Variants in TRPV3 observed in about 807,000 individuals in gnomAD.
The protein encoded by TRPV3 is transient receptor potential cation channel subfamily V member 3.
In TRPV3, 88 loss-of-function variants were observed where a neutral mutation model predicts 87.1. That is an observed-to-expected ratio of 1.01 (90% CI 0.85 to 1.21). TRPV3 has a LOEUF of 1.21. Ranked by LOEUF, TRPV3 falls within the 50% of genes most tolerant of loss-of-function variation. TRPV3 has a pLI of 0.00. For missense variants in TRPV3, 1,054 were observed against 1,030.1 expected, an observed-to-expected ratio of 1.02 and a Z score of -0.32; for synonymous variants, 438 against 423.3, an observed-to-expected ratio of 1.03 and a Z score of -0.43.
intron 9 of TRPV3, 74 bp from the exon 10 acceptor site, chr17:3,529,069 G>T (rs982324978): frequency 1.3e-6 from 2 of 1,551,420 alleles, no homozygotes; most frequent in African/African-American, 2.7e-5. Flanking sequence ...AGGCCTGCGG[G>T]AGCTCTGAGT....
At chr17:3,553,245 A>G (rs2074596217) in intron 2 of TRPV3, 1 of 152,488 alleles carries the variant, frequency 6.6e-6, no homozygotes, top group African/African-American at 2.4e-5. Flanking sequence ...ATCACCACCT[A>G]TCACCTGGGC....
intron 8 of TRPV3, 101 bp downstream of exon 8, chr17:3,532,556 T>A (rs1597479069): frequency 2.8e-6 from 4 of 1,413,638 alleles, no homozygotes; most frequent in Non-Finnish European, 3.8e-6. Flanking sequence ...AGGCTGAGGC[T>A]GTGGTTTGTG....
Position 3,516,513 on chromosome 17 carries a change from T to C in TRPV3, c.2142A>G (p.Arg714=), listed in dbSNP as rs1039519595. The C allele has an allele frequency of 1.9e-6, 3 of 1,614,028 alleles. No individual in the cohort carries two copies. In the African/African-American group the frequency reaches 4.0e-5, roughly 22 times the overall value. The stretch of plus-strand genomic sequence containing the variant: ...CTTTGCACAGCTCTCCCATCCGGAA[T>C]CTGCTCCTCAGCCATTCTGGTAACA... ...EKMLPEWLRS[R]FRMGELCKVA... The change falls in exon 16 of 18, where the codon AGA becomes AGG. Residue 714 remains arginine, a synonymous_variant. Transcript: ENST00000576742.
At chr17:3,527,674 T>C (rs1056505569) in intron 11 of TRPV3, 35 of 324,272 alleles carry the variant, frequency 1.1e-4, no homozygotes, top group South Asian at 1.1e-3. Flanking sequence ...AGAAGGATGG[T>C]CGGTAAGGAT....
In TRPV3 at chr17:3,557,473, C is replaced by A. The variant is rs1487892302; in HGVS notation, c.-3+203G>T. Among the ~76,000 whole-genome samples the A allele has an allele frequency of 6.6e-6, 1 of 152,216 alleles. No individual in the cohort carries two copies. Among genetic ancestry groups the A allele is most frequent in the Non-Finnish European group, 1.5e-5 (1 of 68,038 alleles). ...GTCTGTAAGGACCTATATTCTCACA[C>A]ATCCCTACAGCCAAGAGTGCAGCCA... On this transcript the variant is annotated intron_variant, in intron 1 of 17. Coordinates refer to ENST00000576742, the MANE Select transcript of TRPV3 (RefSeq NM_145068.4). This position sits in a 1 kb window ranked among gnomAD's most constrained non-coding sequence, Gnocchi z 4.5.
chr17:3,543,985 G>A (rs1415278782), intron 4 of TRPV3, among the ~76,000 whole-genome samples: 2 of 151,892 alleles, frequency 1.3e-5, no homozygotes, highest in Admixed American at 1.3e-4. Context: ...CCATGGTAAC[G>A]CGTTGATGTC....
chr17:3,525,055 T>TC (rs1286367289), intron 12 of TRPV3, among the ~76,000 whole-genome samples: 1 of 152,210 alleles, frequency 6.6e-6, no homozygotes, highest in African/African-American at 2.4e-5. Context: ...GGTCTTGCTC[T>TC]GTCACCTAGG....
intron 6 of TRPV3, among the ~76,000 whole-genome samples, chr17:3,538,537 A>G (rs1371149568): frequency 6.6e-6 from 1 of 151,778 alleles, no homozygotes; most frequent in Non-Finnish European, 1.5e-5. Flanking sequence ...AGTATCTTTT[A>G]GAGACAAATT....
chr17:3,514,518 C>T, intron 17 of TRPV3, 75 bp downstream of exon 17: 1 of 1,074,600 alleles, frequency 9.3e-7, no homozygotes, highest in Non-Finnish European at 1.4e-6. Flanking sequence ...AAGTCAGGAC[C>T]CTTAGACTTG....
intron 16 of TRPV3, among the ~76,000 whole-genome samples, chr17:3,515,738 T>C (rs1443320724): frequency 2.0e-5 from 3 of 150,796 alleles, no homozygotes; most frequent in African/African-American, 7.3e-5. Flanking sequence ...AGTAGCCACG[T>C]CACTTTCCAT....
intron 13 of TRPV3, among the ~76,000 whole-genome samples, chr17:3,523,867 T>C (rs900559155): frequency 6.6e-6 from 1 of 151,772 alleles, no homozygotes; most frequent in African/African-American, 2.4e-5. Flanking sequence ...CTTTTGTGTA[T>C]ATATATGGAA....
Position 3,513,825 on chromosome 17 carries a change from T to G in TRPV3, c.*92A>C, listed in dbSNP as rs886052852. On this transcript the variant is annotated 3_prime_UTR_variant, in exon 18 of 18. Coordinates refer to ENST00000576742, the MANE Select transcript of TRPV3 (RefSeq NM_145068.4). The stretch of plus-strand genomic sequence containing the variant: ...TGCTTCTAGGCCAGCAGAGCCGGAC[T>G]CCACCATCCCTCAAAGCCTCTCTGC... 13 of 1,099,656 alleles carry G rather than the reference T, an allele frequency of 1.2e-5. No individual in the cohort carries two copies. In the South Asian group the frequency reaches 1.7e-4, roughly 15 times the overall value. The allele number at this position is 1,099,656 out of a possible 1,614,324, so 68.1% of individuals were successfully genotyped here.
At position 3,528,883 on chromosome 17, in the gene TRPV3, T is replaced by G; in HGVS notation, c.1355A>C (p.Asn452Thr). ...FLSFCFYFFY[N>T]ITLTLVSYYR... ...GTACGAGACGAGGGTCAGGGTGATG[T>G]TGTAGAAGAAATAAAAGCAGAAGGA... The change falls in exon 10 of 18, where the codon AAC becomes ACC. Residue 452 changes from asparagine to threonine, a missense_variant. Coordinates refer to ENST00000576742, the MANE Select transcript of TRPV3 (RefSeq NM_145068.4). The surrounding 1 kb of genome is among the most constrained non-coding windows in gnomAD (Gnocchi z 4.2). The G allele has an allele frequency of 6.2e-7, 1 of 1,614,138 alleles. No individual in the cohort carries two copies. The highest frequency in any genetic ancestry group is 1.1e-5 in the South Asian group (1 of 91,078).
At chr17:3,519,511 T>TGG in intron 14 of TRPV3, among the ~76,000 whole-genome samples, 6 of 135,340 alleles carry the variant, frequency 4.4e-5, no homozygotes, top group African/African-American at 1.7e-4. Flanking sequence ...GATGGGTGAT[T>TGG]AGATGGATGG....
chr17:3,547,585 C>A (rs1190138711), intron 2 of TRPV3, among the ~76,000 whole-genome samples: 1 of 152,136 alleles, frequency 6.6e-6, no homozygotes, highest in African/African-American at 2.4e-5. Context: ...CGCACCATTG[C>A]ACTCCAGGCT....
chr17:3,532,870 G>T lies in TRPV3; in HGVS notation c.852C>A (p.His284Gln). 6.2e-7 allele frequency: 1 copy of T among 1,614,212 alleles called. No homozygotes were observed. Among genetic ancestry groups the T allele is most frequent in the Non-Finnish European group, 8.5e-7 (1 of 1,180,026 alleles). Reference sequence around the variant, plus strand: ...CCCGCGAGGTGATGTCCGTCTGCTCGTGCTCCATCAGCAGCTGCACAATCT... The same window carrying T: ...CCCGCGAGGTGATGTCCGTCTGCTCTTGCTCCATCAGCAGCTGCACAATCT... ...QPEIVQLLME[H>Q]EQTDITSRDS... The change falls in exon 8 of 18, where the codon CAC (histidine) becomes CAA (glutamine). Residue 284 changes from histidine (H) to glutamine (Q), a missense_variant. Physicochemically the swap from His to Gln is conservative, Grantham distance 24. Coordinates refer to ENST00000576742, the MANE Select transcript of TRPV3 (RefSeq NM_145068.4).
At chr17:3,515,044 A>G (rs113595367) in intron 16 of TRPV3, among the ~76,000 whole-genome samples, 2,096 of 152,064 alleles carry the variant, frequency 0.014, 40 homozygotes, top group African/African-American at 0.047. Context: ...TGAAGATTAA[A>G]CTCCAAGTGT....
chr17:3,514,309 C>G, intron 17 of TRPV3: 1 of 507,578 alleles, frequency 2.0e-6, no homozygotes, highest in Non-Finnish European at 3.5e-6. Context: ...AAACTCCTGA[C>G]CTCAGGTGAT....
chr17:3,556,034 G>A lies in TRPV3; in HGVS notation c.-2-1182C>T, dbSNP rs563536431. Among the ~76,000 whole-genome samples the A allele has an allele frequency of 3.0e-4, 45 of 151,678 alleles. No individual in the cohort carries two copies. The highest frequency in any genetic ancestry group is 5.8e-4 in the East Asian group (3 of 5,166). On this transcript the variant is annotated intron_variant, in intron 1 of 17. Transcript: ENST00000576742. This position sits in a 1 kb window ranked among gnomAD's most constrained non-coding sequence, Gnocchi z 4.2. ...TCTACTAAAATACAAAAAATTAGCC[G>A]GGCATGGTGGTACATGCCTGTAGTC...
Sources: allele counts gnomAD v4.1 joint callset (sites outside exome capture counted in the v4.1 genomes callset), GRCh38; gene constraint gnomAD v4.1.1; non-coding constraint Gnocchi (gnomAD v3.1); transcripts MANE v1.5; gene names NCBI Gene and HGNC (gene_info 2026-07-23, HGNC 2026-07-21).